Variants in MED15 observed in about 807,000 individuals in gnomAD.
MED15 encodes mediator complex subunit 15.
Under a neutral mutation model 118.7 loss-of-function variants are expected in MED15, and 41 were observed. The observed-to-expected ratio is 0.35, with a 90% CI of 0.27 to 0.45. The LOEUF is 0.45. Ranked by LOEUF, MED15 falls within the 20% of genes least tolerant of loss-of-function variation. The pLI, the probability that MED15 is intolerant of heterozygous loss-of-function variation, is 1.00. For synonymous variants in MED15, 436 were observed against 413.9 expected (o/e 1.05, Z -0.65); for missense variants, 740 against 1,025.5 (o/e 0.72, Z 3.80).
intron 1 of MED15, among the ~76,000 whole-genome samples, chr22:20,535,379 TCA>T (rs902244910): frequency 2.0e-5 from 3 of 152,304 alleles, no homozygotes; most frequent in Admixed American, 6.5e-5. Flanking sequence ...TCTTTAAGAA[TCA>T]CAGTCATATT....
At chr22:20,566,345 G>A (rs1457520256) in intron 6 of MED15, 122 bp from the exon 7 acceptor site, 5 of 1,524,954 alleles carry the variant, frequency 3.3e-6, no homozygotes, top group African/African-American at 1.4e-5. Flanking sequence ...CAGCCAGGAA[G>A]GCTTTCTTGA....
chr22:20,521,088 ATTTTTTTT>A (rs924603121), intron 1 of MED15, among the ~76,000 whole-genome samples: 3 of 61,500 alleles, frequency 4.9e-5, no homozygotes, highest in East Asian at 5.1e-4. Context: ...CAGTTGTTCT[ATTTTTTTT>A]TTTTTTTTTT....
rs192702712 is a variant in MED15 at position 20,585,285 on chromosome 22, C to T, written c.2131+18C>T. 3.0e-4 allele frequency: 482 copies of T among 1,609,714 alleles called. 5 individuals carry two copies. In the African/African-American group the frequency reaches 4.9e-3, roughly 16 times the overall value. On this transcript the variant is annotated intron_variant, in intron 16 of 17. Transcript: ENST00000263205. ...CAAGCTGGGTGAGTGTCCAGAGGGCCGGGACTGGTGTGGGAAAGCAGGCCC... is the reference window on the plus strand; with the variant it reads ...CAAGCTGGGTGAGTGTCCAGAGGGCTGGGACTGGTGTGGGAAAGCAGGCCC...
chr22:20,511,376 C>G (rs973532886), intron 1 of MED15, among the ~76,000 whole-genome samples: 8 of 151,814 alleles, frequency 5.3e-5, no homozygotes, highest in Non-Finnish European at 1.0e-4. Context: ...CTCGTAGTCC[C>G]AGCTACTCTG....
chr22:20,537,195 C>T lies in MED15; in HGVS notation c.147C>T (p.Ala49=), dbSNP rs73386128. The change falls in exon 2 of 18, where the codon GCC becomes GCT. Residue 49 remains alanine (A), a synonymous_variant. Coordinates refer to ENST00000263205, the MANE Select transcript of MED15 (RefSeq NM_001003891.3). ...TGGAGAGCCATGTTTTCCTGAAGGC[C>T]AAGACCCGGGTAAGGCCCTAGTAAG... ...KDMESHVFLK[A]KTRDEYLSLV... is the part of the protein sequence containing the mutation. The T allele has an allele frequency of 6.2e-7, 1 of 1,613,274 alleles. No individual in the cohort carries two copies. The highest frequency in any genetic ancestry group is 1.3e-5 in the African/African-American group (1 of 75,044).
chr22:20,524,103 C>A (rs978370892), intron 1 of MED15, among the ~76,000 whole-genome samples: 1 of 152,068 alleles, frequency 6.6e-6, no homozygotes, highest in African/African-American at 2.4e-5. Flanking sequence ...AGTAAAAGAA[C>A]CAGAATGTAG....
At chr22:20,507,792 C>T in intron 1 of MED15, 46 bp downstream of exon 1, 1 of 1,611,990 alleles carries the variant, frequency 6.2e-7, no homozygotes, top group Non-Finnish European at 8.5e-7. Flanking sequence ...GACCTTCCTC[C>T]TTAGCGTGGC....
intron 9 of MED15, among the ~76,000 whole-genome samples, chr22:20,580,225 G>T (rs975379190): frequency 6.6e-6 from 1 of 152,150 alleles, no homozygotes; most frequent in Non-Finnish European, 1.5e-5. Flanking sequence ...GAGGCCCCAC[G>T]GGCGTGGCTG....
intron 2 of MED15, among the ~76,000 whole-genome samples, chr22:20,545,473 C>CAAAAAAAAAA (rs56307139): frequency 2.2e-5 from 2 of 90,114 alleles, no homozygotes; most frequent in Non-Finnish European, 4.5e-5. Flanking sequence ...GACTCCACCT[C>CAAAAAAAAAA]AAAAAAAAAA....
At chr22:20,520,730 A>G (rs141939310) in intron 1 of MED15, among the ~76,000 whole-genome samples, 7 of 152,142 alleles carry the variant, frequency 4.6e-5, no homozygotes, top group East Asian at 3.9e-4. Flanking sequence ...TCTCTGTGCA[A>G]TCACACTCTG....
chr22:20,518,517 G>C (rs1291492079), intron 1 of MED15, among the ~76,000 whole-genome samples: 2 of 152,120 alleles, frequency 1.3e-5, no homozygotes, highest in Admixed American at 6.5e-5. Flanking sequence ...ACCCCTGATG[G>C]TTAGCTCAGC....
At position 20,564,628 on chromosome 22, in the gene MED15, CCAG is replaced by C. The variant is rs374794651; in HGVS notation, c.654_656del (p.Gln218del). The C allele has an allele frequency of 3.1e-3, 4,812 of 1,535,852 alleles. 44 individuals are homozygous for C. The African/African-American group carries it at 0.033, about 11-fold the overall frequency. On this transcript the variant is annotated inframe_deletion, in exon 6 of 18. Transcript: ENST00000263205. ...CAGTAGTGCAGCAGCAGCAGCAGCT[CCAG>C]CAGCAGCAGCAGCAGCAGCAGCATC...
At chr22:20,509,191 G>A (rs1434884866) in intron 1 of MED15, among the ~76,000 whole-genome samples, 3 of 152,106 alleles carry the variant, frequency 2.0e-5, no homozygotes, top group Non-Finnish European at 4.4e-5. Context: ...ATGAGGGTGA[G>A]CAGGTACTAG....
Position 20,566,654 on chromosome 22 carries a change from T to G in MED15, c.878T>G (p.Met293Arg). Residue 293 changes from methionine to arginine, a missense_variant, in exon 7 of 18, where the codon ATG becomes AGG. By Grantham distance (91) the Met-to-Arg change is moderately conservative. This residue lies in a region of MED15 where 384 missense variants were observed against 506.3 expected (regional missense o/e 0.76). Transcript: ENST00000263205. ...SQALPQQLQQMHHTQHHQPPP... is the reference protein window; with the variant it reads ...SQALPQQLQQRHHTQHHQPPP... Reference sequence around the variant, plus strand: ...GCTCTGCCCCAGCAGCTGCAGCAGATGCATCACACACAGCACCACCAGCCG... The same window carrying G: ...GCTCTGCCCCAGCAGCTGCAGCAGAGGCATCACACACAGCACCACCAGCCG... 1 of 1,614,118 alleles carries G rather than the reference T, an allele frequency of 6.2e-7. No homozygotes were observed. Among genetic ancestry groups the G allele is most frequent in the Non-Finnish European group, 8.5e-7 (1 of 1,180,006 alleles).
intron 5 of MED15, among the ~76,000 whole-genome samples, chr22:20,559,184 A>G: frequency 6.6e-6 from 1 of 152,164 alleles, no homozygotes. Flanking sequence ...AAAGGAAAAG[A>G]AAGAGCAGAA....
chr22:20,553,359 C>G (rs952013322), intron 4 of MED15, among the ~76,000 whole-genome samples, 185 bp downstream of exon 4: 1 of 151,796 alleles, frequency 6.6e-6, no homozygotes, highest in African/African-American at 2.4e-5. Context: ...CGTCTTCCTG[C>G]AGACTGTGAA....
At chr22:20,526,531 A>G (rs991497907) in intron 1 of MED15, among the ~76,000 whole-genome samples, 2 of 152,246 alleles carry the variant, frequency 1.3e-5, no homozygotes, top group Non-Finnish European at 2.9e-5. Context: ...ACAGCTGAGC[A>G]TAGTGGTGTA....
chr22:20,560,705 A>C (rs572451478), intron 5 of MED15, among the ~76,000 whole-genome samples: 152 of 152,340 alleles, frequency 1.0e-3, no homozygotes, highest in African/African-American at 3.5e-3. Flanking sequence ...CCCAGGGACT[A>C]TTTTGAGTGT....
At chr22:20,540,176 G>A (rs2055241416) in intron 2 of MED15, among the ~76,000 whole-genome samples, 2 of 152,074 alleles carry the variant, frequency 1.3e-5, no homozygotes. Context: ...GGGGGGCTGT[G>A]GAAAGGGCTA....
Sources: allele counts gnomAD v4.1 joint callset (sites outside exome capture counted in the v4.1 genomes callset), GRCh38; gene constraint gnomAD v4.1.1; regional missense constraint gnomAD v4.1.1; transcripts MANE v1.5; gene names NCBI Gene and HGNC (gene_info 2026-07-23, HGNC 2026-07-21).